MYH11: variants seen among roughly 807,000 people sequenced by gnomAD.
MYH11 encodes myosin-11.
MYH11 carries 80 observed loss-of-function variants against 246.6 expected under a neutral mutation model. The ratio of observed to expected loss-of-function variants is 0.32; its 90% CI spans 0.27 to 0.39. The LOEUF is 0.39. Among genes scored for constraint, MYH11 ranks in the 10% least tolerant of loss-of-function variants. MYH11 has a pLI of 1.00. For synonymous variants in MYH11, 1,071 were observed against 1,015.5 expected, an observed-to-expected ratio of 1.05 and a Z score of -1.04; for missense variants, 2,158 against 2,546.8, an observed-to-expected ratio of 0.85 and a Z score of 3.29.
At chr16:15,742,491 C>T (rs910895355) in intron 20 of MYH11, among the ~76,000 whole-genome samples, 3 of 152,066 alleles carry the variant, frequency 2.0e-5, no homozygotes, top group African/African-American at 7.2e-5. Flanking sequence ...CCTGTAATCC[C>T]AGCATTTTGG....
intron 2 of MYH11, among the ~76,000 whole-genome samples, chr16:15,837,088 T>C (rs573938959): frequency 6.6e-6 from 1 of 152,308 alleles, no homozygotes; most frequent in East Asian, 1.9e-4. Flanking sequence ...GTGGCTACCA[T>C]ATTGTGCCAT....
intron 38 of MYH11, among the ~76,000 whole-genome samples, chr16:15,715,660 T>C (rs1231244435): frequency 6.6e-6 from 1 of 152,132 alleles, no homozygotes; most frequent in Non-Finnish European, 1.5e-5. Context: ...GGTCTTGCTG[T>C]GTGACCCAGG....
chr16:15,751,222 G>A (rs377184163), intron 15 of MYH11, among the ~76,000 whole-genome samples: 27 of 151,636 alleles, frequency 1.8e-4, no homozygotes, highest in African/African-American at 4.6e-4. Flanking sequence ...GTGCAATGGC[G>A]TGATCTCGGC....
Position 15,835,264 on chromosome 16 carries a change from C to G in MYH11, c.345+2644G>C, listed in dbSNP as rs551084929. On this transcript the variant is annotated intron_variant, in intron 2 of 40. Coordinates refer to ENST00000300036, the MANE Select transcript of MYH11 (RefSeq NM_002474.3). ...TTGGGGCTTCCTGAGATATATTACA[C>G]AAGTCAACACTGAGCATTTCCAAAT... 3.3e-5 allele frequency among the ~76,000 whole-genome samples: 5 copies of G among 152,210 alleles called. No homozygotes were observed. The East Asian group carries it at 9.6e-4, about 29-fold the overall frequency.
intron 4 of MYH11, chr16:15,792,368 C>G (rs1320822968): frequency 6.6e-6 from 1 of 152,132 alleles, no homozygotes; most frequent in Non-Finnish European, 1.5e-5. Context: ...CTTTTATAAC[C>G]ACTGCTTCCA....
At chr16:15,802,498 G>T (rs1166669674) in intron 3 of MYH11, among the ~76,000 whole-genome samples, 9 of 152,220 alleles carry the variant, frequency 5.9e-5, no homozygotes, top group Non-Finnish European at 1.3e-4. Context: ...GCCCAGGTGG[G>T]TGTACAGTGG....
In MYH11 at chr16:15,703,579, G is replaced by T. The variant is rs568039479; in HGVS notation, c.*412C>A. ...ACTTCAATTTTTACCTTGAATACAG[G>T]GGTAGTAGGGGTGGTGGTGGTGGTG... On this transcript the variant is annotated 3_prime_UTR_variant, in exon 41 of 41. Coordinates refer to ENST00000300036, the MANE Select transcript of MYH11 (RefSeq NM_002474.3). 11 of 368,260 alleles carry T rather than the reference G, an allele frequency of 3.0e-5. No individual in the cohort carries two copies. In the East Asian group the frequency reaches 4.3e-4, roughly 15 times the overall value. 22.8% of individuals were successfully genotyped at this position (368,260 alleles called of 1,614,324 possible).
intron 13 of MYH11, 107 bp downstream of exon 13, chr16:15,757,720 G>C (rs1349135187): frequency 1.4e-6 from 2 of 1,396,126 alleles, no homozygotes; most frequent in Non-Finnish European, 2.0e-6. Flanking sequence ...GGATTGGGTG[G>C]GGGAATGCTA....
In MYH11 at chr16:15,743,063, C is replaced by G. The variant is rs556269372; in HGVS notation, c.2521-1172G>C. The stretch of plus-strand genomic sequence containing the variant: ...AAGCCATCATTTTAATAGCTGAAAA[C>G]ATTCCATTGATAGATGAACCATTAT... On this transcript the variant is annotated intron_variant, in intron 20 of 40. Coordinates refer to ENST00000300036, the MANE Select transcript of MYH11 (RefSeq NM_002474.3). 1.0e-4 allele frequency among the ~76,000 whole-genome samples: 15 copies of G among 147,416 alleles called. No individual in the cohort carries two copies. In the South Asian group the frequency reaches 3.4e-3, roughly 33 times the overall value.
chr16:15,753,583 T>TCC, intron 14 of MYH11, 75 bp from the exon 15 acceptor site: 2 of 1,099,734 alleles, frequency 1.8e-6, no homozygotes. Flanking sequence ...ACCCCAGCCC[T>TCC]CCCATTGTCC....
intron 38 of MYH11, 108 bp downstream of exon 38, chr16:15,717,032 C>T: frequency 8.2e-7 from 1 of 1,223,762 alleles, no homozygotes; most frequent in Admixed American, 1.7e-5. Flanking sequence ...ACAGAGCTTG[C>T]TTCTTACAAG....
At chr16:15,730,524 A>G (rs1352056262) in intron 27 of MYH11, among the ~76,000 whole-genome samples, 1 of 152,148 alleles carries the variant, frequency 6.6e-6, no homozygotes, top group African/African-American at 2.4e-5. Context: ...CCTGAGTGAC[A>G]GAGTAAGACT....
In MYH11 at chr16:15,724,884, T is replaced by C; in HGVS notation, c.3963+4A>G. 6.2e-7 allele frequency: 1 copy of C among 1,613,814 alleles called. No individual in the cohort carries two copies. Among genetic ancestry groups the C allele is most frequent in the East Asian group, 2.2e-5 (1 of 44,870 alleles). On this transcript the variant is annotated splice_donor_region_variant and intron_variant, in intron 29 of 40. Coordinates refer to ENST00000300036, the MANE Select transcript of MYH11 (RefSeq NM_002474.3). ...TCCCCTGGATGATGTGGCAGGACAC[T>C]CACCTGGGTGTCCTGGAGCTGGGAA...
intron 3 of MYH11, among the ~76,000 whole-genome samples, chr16:15,821,444 A>C (rs904307870): frequency 2.0e-5 from 3 of 152,180 alleles, no homozygotes; most frequent in African/African-American, 7.2e-5. Flanking sequence ...TATATGTTTA[A>C]GTTTTTCTAG....
At chr16:15,756,318 C>G in intron 14 of MYH11, 23 bp downstream of exon 14, 2 of 1,613,052 alleles carry the variant, frequency 1.2e-6, no homozygotes, top group Non-Finnish European at 1.7e-6. Flanking sequence ...GAGACAGAGT[C>G]CCCTGGGCCC....
chr16:15,725,078 C>G (rs915299713), intron 28 of MYH11, 86 bp from the exon 29 acceptor site: 1 of 1,083,136 alleles, frequency 9.2e-7, no homozygotes, highest in African/African-American at 1.6e-5. Context: ...AACACATGGG[C>G]TAGTACTTGA....
chr16:15,760,394 G>GT (rs2041841379), intron 11 of MYH11, 146 bp downstream of exon 11: 1 of 754,284 alleles, frequency 1.3e-6, no homozygotes, highest in Admixed American at 1.8e-5. Context: ...GAATGAGTGG[G>GT]TAGAAAGATG....
At chr16:15,705,841 C>A (rs367651003) in intron 40 of MYH11, among the ~76,000 whole-genome samples, 2 of 151,752 alleles carry the variant, frequency 1.3e-5, no homozygotes, top group Non-Finnish European at 1.5e-5. Context: ...ATTAGCCGGG[C>A]GTGCTGGCGG....
chr16:15,789,756 G>A (rs1041246453), intron 4 of MYH11, among the ~76,000 whole-genome samples: 1 of 152,174 alleles, frequency 6.6e-6, no homozygotes, highest in African/African-American at 2.4e-5. Flanking sequence ...TAAAGTGAAG[G>A]GGTTGGATTC....
Sources: gnomAD v4.1 joint callset for allele counts (sites outside exome capture counted in the v4.1 genomes callset) on GRCh38, gnomAD v4.1.1 for gene constraint, MANE v1.5 for transcripts, NCBI Gene and HGNC (gene_info 2026-07-23, HGNC 2026-07-21) for gene names.